Variants in SYT17 observed in about 807,000 individuals in gnomAD.
SYT17 encodes synaptotagmin-17.
Under a neutral mutation model 46.7 loss-of-function variants are expected in SYT17, and 22 were observed. That is an observed-to-expected ratio of 0.47 (90% CI 0.34 to 0.67). The LOEUF is 0.67. Among genes scored for constraint, SYT17 ranks in the 30% least tolerant of loss-of-function variants. The probability of loss-of-function intolerance (pLI) is 0.01; values close to 1 mark genes in which losing one functional copy is unlikely to be tolerated. For synonymous variants in SYT17, 251 were observed against 248.4 expected, an observed-to-expected ratio of 1.01 and a Z score of -0.10; for missense variants, 519 against 612.8, an observed-to-expected ratio of 0.85 and a Z score of 1.62.
chr16:19,223,190 T>C, intron 6 of SYT17, 25 bp downstream of exon 6: 1 of 1,609,568 alleles, frequency 6.2e-7, no homozygotes, highest in Non-Finnish European at 8.5e-7. Context: ...CCCTCTTCTC[T>C]CACTTTATTA....
chr16:19,179,910 C>G (rs1224663998), intron 3 of SYT17, among the ~76,000 whole-genome samples: 2 of 152,184 alleles, frequency 1.3e-5, no homozygotes, highest in Non-Finnish European at 2.9e-5. Flanking sequence ...CGCAAAGAAC[C>G]CTTGAGTGAC....
chr16:19,244,522 T>TCGGG (rs543244243), intron 7 of SYT17, among the ~76,000 whole-genome samples: 5 of 151,962 alleles, frequency 3.3e-5, no homozygotes, highest in African/African-American at 1.2e-4. Flanking sequence ...TTTGTAGAGA[T>TCGGG]GGGGGTCTCA....
chr16:19,169,736 T>C (rs1207415171), intron 1 of SYT17: 1 of 152,244 alleles, frequency 6.6e-6, no homozygotes, highest in Non-Finnish European at 1.5e-5. Context: ...TCAAGTTCAA[T>C]GAAGGTCACA....
rs554981984 is a variant in SYT17, at chr16:19,263,154, A to C, written c.1229-3726A>C. On this transcript the variant is annotated intron_variant, in intron 7 of 7. Coordinates refer to ENST00000355377, the MANE Select transcript of SYT17 (RefSeq NM_016524.4). ...CAGTGCTTTTTAGTATATTTTCAAG[A>C]TTGTGCAACCAACACCACTATCTAA... Among the ~76,000 whole-genome samples the C allele has an allele frequency of 5.7e-4, 86 of 151,864 alleles. 1 individual carries two copies. The highest frequency in any genetic ancestry group is 2.0e-3 in the African/African-American group (84 of 41,406).
At chr16:19,236,376 G>T (rs997009794) in intron 7 of SYT17, among the ~76,000 whole-genome samples, 3 of 152,072 alleles carry the variant, frequency 2.0e-5, no homozygotes, top group African/African-American at 7.2e-5. Flanking sequence ...TTTCAGCTGG[G>T]GAAACTCGAA....
At chr16:19,223,727 T>C (rs1385478046) in intron 6 of SYT17, among the ~76,000 whole-genome samples, 1 of 152,214 alleles carries the variant, frequency 6.6e-6, no homozygotes, top group Non-Finnish European at 1.5e-5. Context: ...GGAATTATTG[T>C]CTTCTCTAAG....
At chr16:19,237,666 C>G (rs1335391338) in intron 7 of SYT17, among the ~76,000 whole-genome samples, 1 of 152,246 alleles carries the variant, frequency 6.6e-6, no homozygotes, top group Non-Finnish European at 1.5e-5. Context: ...TGGGGTAGCA[C>G]TGCTCTGCAG....
At chr16:19,194,991 G>T (rs758745957) in intron 5 of SYT17, among the ~76,000 whole-genome samples, 1 of 152,170 alleles carries the variant, frequency 6.6e-6, no homozygotes, top group Non-Finnish European at 1.5e-5. Context: ...AAGAGCATGC[G>T]CTTTTGAGTT....
chr16:19,252,754 T>G (rs1226583875), intron 7 of SYT17, among the ~76,000 whole-genome samples: 1 of 151,158 alleles, frequency 6.6e-6, no homozygotes, highest in Non-Finnish European at 1.5e-5. Flanking sequence ...CACATTAGGG[T>G]CACTGGGAAA....
At chr16:19,175,645 CA>C (rs34788366) in intron 3 of SYT17, among the ~76,000 whole-genome samples, 1,113 of 67,760 alleles carry the variant, frequency 0.016, 3 homozygotes, top group East Asian at 0.086. Context: ...AGCAAGACTT[CA>C]AAAAAAAAAA....
At position 19,224,738 on chromosome 16, in the gene SYT17, G is replaced by A. The variant is rs961588058; in HGVS notation, c.1128G>A (p.Lys376=). ...VHGLKLVKTK[K]TSFLRGTIDP... is the part of the protein sequence containing the mutation. ...GACTCAAACTTGTGAAAACCAAGAA[G>A]ACGTCCTTCTTAAGGGGCACAATTG... Residue 376 remains lysine (K), a synonymous_variant, in exon 7 of 8, where the codon AAG becomes AAA. Transcript: ENST00000355377. 1.2e-6 allele frequency: 2 copies of A among 1,614,094 alleles called. No individual in the cohort carries two copies. Among genetic ancestry groups the A allele is most frequent in the Non-Finnish European group, 1.7e-6 (2 of 1,179,974 alleles).
chr16:19,181,680 A>C (rs1964561665), intron 4 of SYT17, among the ~76,000 whole-genome samples: 1 of 147,914 alleles, frequency 6.8e-6, no homozygotes, highest in African/African-American at 2.6e-5. Flanking sequence ...CAAAATACAT[A>C]CTGGACTTTC....
At chr16:19,179,258 A>G (rs1964448957) in intron 3 of SYT17, among the ~76,000 whole-genome samples, 1 of 152,180 alleles carries the variant, frequency 6.6e-6, no homozygotes, top group East Asian at 1.9e-4. Context: ...CTCCCAAGTA[A>G]CTATGACTAC....
chr16:19,225,415 A>G (rs1966466375), intron 7 of SYT17, among the ~76,000 whole-genome samples: 1 of 152,208 alleles, frequency 6.6e-6, no homozygotes, highest in Non-Finnish European at 1.5e-5. Flanking sequence ...TCCAGGGTGT[A>G]ATCTAATGTA....
At chr16:19,243,228 A>T (rs1967267320) in intron 7 of SYT17, among the ~76,000 whole-genome samples, 1 of 152,182 alleles carries the variant, frequency 6.6e-6, no homozygotes, top group African/African-American at 2.4e-5. Flanking sequence ...TCATGAGCAG[A>T]TGCCTACACT....
intron 7 of SYT17, among the ~76,000 whole-genome samples, chr16:19,258,017 C>T (rs374551819): frequency 7.9e-4 from 120 of 152,156 alleles, no homozygotes; most frequent in Middle Eastern, 6.8e-3. Context: ...ATCCAGCTTC[C>T]CTTCCAGAAC....
intron 7 of SYT17, among the ~76,000 whole-genome samples, chr16:19,235,141 A>G (rs1966834241): frequency 6.6e-6 from 1 of 152,166 alleles, no homozygotes; most frequent in Admixed American, 6.5e-5. Flanking sequence ...AGGACCACAA[A>G]AGTGAGCCCC....
chr16:19,239,865 A>G (rs1328268346), intron 7 of SYT17, among the ~76,000 whole-genome samples: 1 of 152,196 alleles, frequency 6.6e-6, no homozygotes, highest in Non-Finnish European at 1.5e-5. Context: ...GCAAACGAGC[A>G]TGGGGTTCAG....
intron 7 of SYT17, among the ~76,000 whole-genome samples, chr16:19,251,749 G>C (rs752810666): frequency 2.6e-5 from 4 of 152,134 alleles, no homozygotes; most frequent in Non-Finnish European, 2.9e-5. Context: ...GGACAATTCT[G>C]CTCATTGTAC....
Sources: gnomAD v4.1 joint callset for allele counts (sites outside exome capture counted in the v4.1 genomes callset) on GRCh38, gnomAD v4.1.1 for gene constraint, MANE v1.5 for transcripts, NCBI Gene and HGNC (gene_info 2026-07-23, HGNC 2026-07-21) for gene names.